TIAM2: variants seen among roughly 807,000 people sequenced by gnomAD.
The protein encoded by TIAM2 is TIAM Rac1 associated GEF 2.
Under a neutral mutation model 152.9 loss-of-function variants are expected in TIAM2, and 80 were observed. The ratio of observed to expected loss-of-function variants is 0.52; its 90% CI spans 0.44 to 0.63. The LOEUF is 0.63. Among genes scored for constraint, TIAM2 ranks in the 30% least tolerant of loss-of-function variants. TIAM2 has a pLI of 0.00. For synonymous variants in TIAM2, 804 were observed against 838.0 expected (o/e 0.96, Z 0.70); for missense variants, 1,965 against 2,120.1 (o/e 0.93, Z 1.44).
At chr6:155,084,616 T>C (rs1384425424) in intron 1 of TIAM2, among the ~76,000 whole-genome samples, 2 of 152,188 alleles carry the variant, frequency 1.3e-5, no homozygotes, top group African/African-American at 4.8e-5. Context: ...TGGGCTGTTT[T>C]ATAAATAACA....
chr6:155,110,999 G>T (rs561743800), intron 2 of TIAM2, among the ~76,000 whole-genome samples: 1 of 152,024 alleles, frequency 6.6e-6, no homozygotes, highest in South Asian at 2.1e-4. Flanking sequence ...TGCTAGAGTC[G>T]GATTTCTAAA....
chr6:155,072,757 C>A (rs1010301486), intron 1 of TIAM2, among the ~76,000 whole-genome samples: 1 of 152,016 alleles, frequency 6.6e-6, no homozygotes, highest in African/African-American at 2.4e-5. Context: ...GAGGACCAAG[C>A]CTGGAGCACT....
intron 2 of TIAM2, among the ~76,000 whole-genome samples, chr6:155,104,033 CACACACA>C (rs199565414): frequency 1.5e-3 from 165 of 108,020 alleles, no homozygotes; most frequent in African/African-American, 7.3e-3. Context: ...TTACCTCACA[CACACACA>C]CCCCCCCCCC....
At chr6:155,070,170 T>TGC (rs780117378) in intron 1 of TIAM2, among the ~76,000 whole-genome samples, 1 of 145,292 alleles carries the variant, frequency 6.9e-6, no homozygotes, top group Non-Finnish European at 1.5e-5. Context: ...CCTCCCAAAG[T>TGC]GCTGAGATTA....
At chr6:155,010,093 C>T (rs1289980061) in intron 1 of TIAM2, among the ~76,000 whole-genome samples, 1 of 152,140 alleles carries the variant, frequency 6.6e-6, no homozygotes, top group Non-Finnish European at 1.5e-5. Flanking sequence ...GCCTCAGCCT[C>T]CCGAAGTCCT....
intron 1 of TIAM2, among the ~76,000 whole-genome samples, chr6:155,084,142 T>C (rs547862591): frequency 6.6e-6 from 1 of 152,278 alleles, no homozygotes; most frequent in African/African-American, 2.4e-5. Flanking sequence ...GTAGGTAATT[T>C]CTGTGGTGTG....
intron 9 of TIAM2, among the ~76,000 whole-genome samples, chr6:155,173,468 C>T (rs1780684544): frequency 6.6e-6 from 1 of 152,196 alleles, no homozygotes; most frequent in East Asian, 1.9e-4. Context: ...TTTCTCTTGT[C>T]CAGAACTTAT....
At chr6:155,170,867 G>A (rs940952367) in intron 9 of TIAM2, among the ~76,000 whole-genome samples, 15 of 152,116 alleles carry the variant, frequency 9.9e-5, no homozygotes, top group African/African-American at 3.1e-4. Context: ...TTCATTTATA[G>A]GACAATTTTA....
intron 26 of TIAM2, 52 bp from the exon 27 acceptor site, chr6:155,256,432 C>T (rs772566728): frequency 6.1e-5 from 98 of 1,610,886 alleles, no homozygotes; most frequent in Non-Finnish European, 8.3e-5. Flanking sequence ...AAACATTACA[C>T]ATTGTGTAAC....
chr6:155,223,949 G>C (rs1782151053), intron 15 of TIAM2, among the ~76,000 whole-genome samples: 1 of 152,180 alleles, frequency 6.6e-6, no homozygotes, highest in African/African-American at 2.4e-5. Flanking sequence ...GCTTGCCACT[G>C]TGTGGGTGCC....
chr6:155,086,137 G>A (rs1166105429), intron 1 of TIAM2, among the ~76,000 whole-genome samples: 1 of 152,214 alleles, frequency 6.6e-6, no homozygotes, highest in Non-Finnish European at 1.5e-5. Flanking sequence ...TGGCACTGGA[G>A]CATGTGAGGA....
At chr6:155,083,169 G>A (rs1180005269) in intron 1 of TIAM2, among the ~76,000 whole-genome samples, 2 of 151,828 alleles carry the variant, frequency 1.3e-5, no homozygotes, top group East Asian at 1.9e-4. Context: ...TGAACATGGC[G>A]AAACCCCTGT....
At chr6:155,042,196 G>A (rs1473679583) in intron 1 of TIAM2, among the ~76,000 whole-genome samples, 1 of 151,872 alleles carries the variant, frequency 6.6e-6, no homozygotes, top group African/African-American at 2.4e-5. Flanking sequence ...CTACACCACC[G>A]CAGACCCGCC....
At chr6:155,029,300 GTACTATGTGTTATATATAC>G in intron 1 of TIAM2, among the ~76,000 whole-genome samples, 2 of 115,000 alleles carry the variant, frequency 1.7e-5, no homozygotes, top group African/African-American at 6.4e-5. Context: ...TATACTATAT[GTACTATGTGTTATATATAC>G]TATATGTACT....
chr6:155,056,228 G>A (rs1450582875), intron 1 of TIAM2, among the ~76,000 whole-genome samples: 2 of 135,710 alleles, frequency 1.5e-5, no homozygotes, highest in African/African-American at 5.8e-5. Context: ...CTGGAGTGCA[G>A]TGGCGCGATC....
Position 155,183,250 on chromosome 6 carries a change from C to G in TIAM2, c.2814C>G (p.Gly938=). ...CCTTTTTCTCAGGGCTGAGAAAGGG[C>G]AATGAGATCATGACCTTAAATGGGG... ...GLAYGEGLRK[G]NEIMTLNGEA... Residue 938 remains glycine (G), a synonymous_variant, in exon 14 of 27, where the codon GGC becomes GGG. Transcript: ENST00000682666. The G allele has an allele frequency of 6.2e-7, 1 of 1,613,944 alleles. No individual in the cohort carries two copies. Among genetic ancestry groups the G allele is most frequent in the Non-Finnish European group, 8.5e-7 (1 of 1,179,900 alleles).
Position 155,129,787 on chromosome 6 carries a change from A to G in TIAM2, c.564A>G (p.Ala188=), listed in dbSNP as rs770998914. 3.1e-6 allele frequency: 5 copies of G among 1,613,700 alleles called. No homozygotes were observed. The highest frequency in any genetic ancestry group is 4.2e-6 in the Non-Finnish European group (5 of 1,180,044). ...GTGGCAACCCCAGCAAAGTGCCTGC[A>G]GAGGACTGCAGTGAGCCGGTGCAGC... is the stretch of plus-strand genomic sequence containing the variant. ...HNGGNPSKVP[A]EDCSEPVQLL... is the part of the protein sequence containing the mutation. The change falls in exon 4 of 27, where the codon GCA becomes GCG. Residue 188 remains alanine, a synonymous_variant. Coordinates refer to ENST00000682666, the MANE Select transcript of TIAM2 (RefSeq NM_012454.4). This position sits in a 1 kb window ranked among gnomAD's most constrained non-coding sequence, Gnocchi z 4.8.
chr6:155,048,450 T>C (rs1292971993), intron 1 of TIAM2, among the ~76,000 whole-genome samples: 1 of 152,072 alleles, frequency 6.6e-6, no homozygotes, highest in Admixed American at 6.6e-5. Flanking sequence ...TAACAAGATA[T>C]TATTTGGAGC....
chr6:155,181,919 C>T (rs745930874), intron 12 of TIAM2, among the ~76,000 whole-genome samples: 15 of 152,154 alleles, frequency 9.9e-5, no homozygotes, highest in Admixed American at 2.0e-4. Context: ...CTTATCCATC[C>T]GTCTATTGAC....
Sources: allele counts gnomAD v4.1 joint callset (sites outside exome capture counted in the v4.1 genomes callset), GRCh38; gene constraint gnomAD v4.1.1; non-coding constraint Gnocchi (gnomAD v3.1); transcripts MANE v1.5; gene names NCBI Gene and HGNC (gene_info 2026-07-23, HGNC 2026-07-21).